The following SMC2 variants were observed in gnomAD, a reference collection of about 807,000 sequenced individuals.
SMC2 encodes the protein structural maintenance of chromosomes 2, also known as structural maintenance of chromosomes protein 2.
SMC2 carries 41 observed loss-of-function variants against 142.6 expected under a neutral mutation model. That is an observed-to-expected ratio of 0.29 (90% CI 0.22 to 0.37). The LOEUF is 0.37. Among genes scored for constraint, SMC2 ranks in the 10% least tolerant of loss-of-function variants. The pLI, the probability that SMC2 is intolerant of heterozygous loss-of-function variation, is 1.00. For missense variants in SMC2, 1,265 were observed against 1,373.7 expected, an observed-to-expected ratio of 0.92 and a Z score of 1.25; for synonymous variants, 463 against 457.5, an observed-to-expected ratio of 1.01 and a Z score of -0.15.
At chr9:104,135,121 T>A (rs1430357898) in intron 23 of SMC2, among the ~76,000 whole-genome samples, 1 of 152,194 alleles carries the variant, frequency 6.6e-6, no homozygotes, top group East Asian at 1.9e-4. Flanking sequence ...TTAAAAAAAA[T>A]TGAGATACTA....
At chr9:104,107,314 C>CA (rs1409532885) in intron 9 of SMC2, among the ~76,000 whole-genome samples, 1 of 152,112 alleles carries the variant, frequency 6.6e-6, no homozygotes, top group Non-Finnish European at 1.5e-5. Flanking sequence ...AGAGTTATAT[C>CA]AGGTGGCTGC....
chr9:104,108,745 C>CAGAT (rs1171864557), intron 9 of SMC2, among the ~76,000 whole-genome samples: 1 of 152,154 alleles, frequency 6.6e-6, no homozygotes, highest in Non-Finnish European at 1.5e-5. Context: ...TTATTTCCTA[C>CAGAT]AGATAGGTAG....
intron 19 of SMC2, among the ~76,000 whole-genome samples, chr9:104,127,076 C>G (rs548270425): frequency 6.6e-6 from 1 of 152,234 alleles, no homozygotes; most frequent in Non-Finnish European, 1.5e-5. Flanking sequence ...ACCTCCCACC[C>G]CTTTTACCAG....
At chr9:104,121,337 C>T (rs6479212) in intron 16 of SMC2, among the ~76,000 whole-genome samples, 8,577 of 151,778 alleles carry the variant, frequency 0.057, 642 homozygotes, top group African/African-American at 0.18. Context: ...TGTAAAAAAA[C>T]ACAAAAAAGT....
chr9:104,131,596 T>C (rs775782120), intron 21 of SMC2, among the ~76,000 whole-genome samples: 1 of 151,670 alleles, frequency 6.6e-6, no homozygotes, highest in African/African-American at 2.4e-5. Flanking sequence ...CTGCTAAGGC[T>C]GACCTTAAGA....
rs905096447 is a variant in SMC2, at chr9:104,116,246, A to G, written c.1718A>G (p.Tyr573Cys). 2 of 1,608,356 alleles carry G rather than the reference A, an allele frequency of 1.2e-6. No homozygotes were observed. The highest frequency in any genetic ancestry group is 2.2e-5 in the East Asian group (1 of 44,522). Residue 573 changes from tyrosine (Y) to cysteine (C), a missense_variant, in exon 14 of 25, where the codon TAC becomes TGC. Physicochemically the swap from Tyr to Cys is radical, Grantham distance 194. Transcript: ENST00000374793. Reference sequence around the variant, plus strand: ...GAAAGGGGGGAACTGAAACGTCGATACACTATAATTCCACTCAATAAAATT... The same window carrying G: ...GAAAGGGGGGAACTGAAACGTCGATGCACTATAATTCCACTCAATAAAATT... ...LLERGELKRR[Y>C]TIIPLNKISA... is the part of the protein sequence containing the mutation.
intron 1 of SMC2, 48 bp downstream of exon 1, chr9:104,094,525 T>TGGCGGGAGGCGGGA (rs143664933): frequency 2.2e-5 from 6 of 268,084 alleles, no homozygotes; most frequent in South Asian, 4.0e-4. Context: ...CCAGACTTCC[T>TGGCGGGAGGCGGGA]GGCGGGAGGC....
chr9:104,128,445 A>G (rs1834556837), intron 20 of SMC2, among the ~76,000 whole-genome samples: 1 of 152,170 alleles, frequency 6.6e-6, no homozygotes, highest in African/African-American at 2.4e-5. Flanking sequence ...TTACAAGAGT[A>G]AAAGGAGGGA....
chr9:104,113,396 G>T lies in SMC2; in HGVS notation c.1335G>T (p.Arg445Ser). 1 of 1,612,080 alleles carries T rather than the reference G, an allele frequency of 6.2e-7. No individual in the cohort carries two copies. The highest frequency in any genetic ancestry group is 8.5e-7 in the Non-Finnish European group (1 of 1,178,862). The change falls in exon 11 of 25, where the codon AGG becomes AGT. Residue 445 changes from arginine (R) to serine (S), a missense_variant. Coordinates refer to ENST00000374793, the MANE Select transcript of SMC2 (RefSeq NM_006444.3). Reference sequence around the variant, plus strand: ...TTAAGAAGATGGATAGTGGCTACAGGAAGGATCAAGAAGCTCTAGAAGCTG... The same window carrying T: ...TTAAGAAGATGGATAGTGGCTACAGTAAGGATCAAGAAGCTCTAGAAGCTG... ...AEVKKMDSGY[R>S]KDQEALEAVK...
chr9:104,123,073 G>A (rs1833903739), intron 16 of SMC2, 35 bp from the exon 17 acceptor site: 1 of 1,581,148 alleles, frequency 6.3e-7, no homozygotes. Context: ...CCAGAAAAAT[G>A]ACAGTCATTT....
chr9:104,134,286 A>T, intron 22 of SMC2, 129 bp from the exon 23 acceptor site: 1 of 566,230 alleles, frequency 1.8e-6, no homozygotes, highest in Non-Finnish European at 2.9e-6. Flanking sequence ...CACATGGGCC[A>T]TAGTTTGTCA....
At chr9:104,099,586 T>C in intron 4 of SMC2, 58 bp from the exon 5 acceptor site, 3 of 1,094,232 alleles carry the variant, frequency 2.7e-6, no homozygotes, top group Non-Finnish European at 4.2e-6. Context: ...TGAATGGCAG[T>C]ACAGATAAAC....
In SMC2 at chr9:104,126,760, G is replaced by A. The variant is rs763303418; in HGVS notation, c.2571G>A (p.Met857Ile). ...IKSYESQIEV[M>I]AAEVAKNKES... ...CCTATGAAAGTCAGATTGAAGTAAT[G>A]GCAGCTGAGGTGGCTAAAAATAAGG... The change falls in exon 19 of 25, where the codon ATG (methionine) becomes ATA (isoleucine). Residue 857 changes from methionine to isoleucine, a missense_variant. This residue lies in a region of SMC2 where 898 missense variants were observed against 904.2 expected (regional missense o/e 0.99). Transcript: ENST00000374793. 1 of 1,598,768 alleles carries A rather than the reference G, an allele frequency of 6.3e-7. No individual in the cohort carries two copies. Among genetic ancestry groups the A allele is most frequent in the South Asian group, 1.1e-5 (1 of 88,696 alleles).
At chr9:104,116,111 A>G (rs1396285209) in intron 13 of SMC2, 89 bp from the exon 14 acceptor site, 2 of 1,144,848 alleles carry the variant, frequency 1.7e-6, no homozygotes, top group African/African-American at 1.6e-5. Context: ...GGCACTAAAC[A>G]TTCATTTATT....
intron 22 of SMC2, 127 bp downstream of exon 22, chr9:104,132,252 T>G: frequency 1.7e-6 from 1 of 603,818 alleles, no homozygotes; most frequent in Non-Finnish European, 3.0e-6. Flanking sequence ...ACACCTTAAT[T>G]AAAACCTCTG....
In SMC2 at chr9:104,129,691, A is replaced by C. The variant is rs1323211062; in HGVS notation, c.2837A>C (p.His946Pro). The C allele has an allele frequency of 7.4e-6, 12 of 1,613,886 alleles. No individual in the cohort carries two copies. The highest frequency in any genetic ancestry group is 1.0e-5 in the Non-Finnish European group (12 of 1,179,954). The change falls in exon 21 of 25, where the codon CAC becomes CCC. Residue 946 changes from histidine (H) to proline (P), a missense_variant. His to Pro is a moderately conservative substitution (Grantham distance 77, BLOSUM62 -2). Coordinates refer to ENST00000374793, the MANE Select transcript of SMC2 (RefSeq NM_006444.3). ...TATGACTGGATTAATGCAGAGAGAC[A>C]CCTCTTTGGCCAACCCAATAGTGCC... ...KDYDWINAERHLFGQPNSAYD... is the reference protein window; with the variant it reads ...KDYDWINAERPLFGQPNSAYD...
chr9:104,135,255 A>C (rs80172034), intron 23 of SMC2, among the ~76,000 whole-genome samples: 8,598 of 152,182 alleles, frequency 0.056, 652 homozygotes, highest in African/African-American at 0.18. Flanking sequence ...AAACATGAAC[A>C]TAATGAGAGA....
In SMC2 at chr9:104,102,001, A is replaced by G; in HGVS notation, c.678A>G (p.Glu226=). The part of the protein sequence containing the change: ...SYLEYQKVMR[E]IEHLSRLYIA... ...TGGAGTACCAAAAAGTAATGAGAGA[A>G]ATAGAACATTTGAGTCGTTTATATA... The change falls in exon 8 of 25, where the codon GAA becomes GAG. Residue 226 remains glutamate, a synonymous_variant. Transcript: ENST00000374793. 1.1e-5 allele frequency: 18 copies of G among 1,610,254 alleles called. No individual in the cohort carries two copies. The highest frequency in any genetic ancestry group is 1.5e-5 in the Non-Finnish European group (18 of 1,178,714).
upstream of SMC2, among the ~76,000 whole-genome samples, chr9:104,093,377 T>C (rs1209256648): frequency 6.6e-6 from 1 of 152,130 alleles, no homozygotes; most frequent in East Asian, 1.9e-4. Context: ...TTTAAAAGCA[T>C]GCAATCTGGA....
Sources: gnomAD v4.1 joint callset for allele counts (sites outside exome capture counted in the v4.1 genomes callset) on GRCh38, gnomAD v4.1.1 for gene constraint, gnomAD v4.1.1 regional missense constraint, MANE v1.5 for transcripts, NCBI Gene and HGNC (gene_info 2026-07-23, HGNC 2026-07-21) for gene names.